Variants in ZYG11B observed in about 807,000 individuals in gnomAD.
ZYG11B encodes the protein zyg-11 family member B, cell cycle regulator.
In ZYG11B, 36 loss-of-function variants were observed where a neutral mutation model predicts 82.4. The ratio of observed to expected loss-of-function variants is 0.44; its 90% CI spans 0.33 to 0.58. The LOEUF (loss-of-function observed/expected upper bound fraction) is 0.58. Ranked by LOEUF, ZYG11B falls within the 20% of genes least tolerant of loss-of-function variation. The probability of loss-of-function intolerance (pLI) is 0.02; values close to 1 mark genes in which losing one functional copy is unlikely to be tolerated. For synonymous variants in ZYG11B, 303 were observed against 312.8 expected, an observed-to-expected ratio of 0.97 and a Z score of 0.33; for missense variants, 552 against 895.6, an observed-to-expected ratio of 0.62 and a Z score of 4.90.
intron 3 of ZYG11B, among the ~76,000 whole-genome samples, chr1:52,779,393 CT>C (rs1644836198): frequency 1.3e-5 from 2 of 152,092 alleles, no homozygotes. Context: ...ACAGATATAG[CT>C]GTTTAAGATG....
At chr1:52,798,789 A>C (rs1221813890) in intron 8 of ZYG11B, among the ~76,000 whole-genome samples, 1 of 152,200 alleles carries the variant, frequency 6.6e-6, no homozygotes, top group East Asian at 1.9e-4. Flanking sequence ...CGAAAACTTT[A>C]AACAGCTTTA....
chr1:52,726,868 T>C (rs1006445043), intron 1 of ZYG11B, among the ~76,000 whole-genome samples, 185 bp downstream of exon 1: 3 of 151,968 alleles, frequency 2.0e-5, no homozygotes, highest in Non-Finnish European at 2.9e-5. Flanking sequence ...CCTGCTTCGG[T>C]GAACCCCTTT....
intron 10 of ZYG11B, among the ~76,000 whole-genome samples, chr1:52,809,120 C>T (rs567218011): frequency 6.6e-6 from 1 of 152,130 alleles, no homozygotes; most frequent in South Asian, 2.1e-4. Flanking sequence ...ACTTGGCATG[C>T]TTAGGTTTTA....
In ZYG11B at chr1:52,819,794, ATAAT is replaced by A. The variant is rs763388189; in HGVS notation, c.2045-1644_2045-1641del. Among the ~76,000 whole-genome samples, 31 of 141,132 alleles carry A rather than the reference ATAAT, an allele frequency of 2.2e-4. No individual in the cohort carries two copies. In the East Asian group the frequency reaches 2.6e-3, roughly 12 times the overall value. The allele number at this position is 141,132 out of a possible 152,430, so 92.6% of individuals were successfully genotyped here. A position where few individuals can be genotyped will look rare whatever the true frequency, so the allele number is the denominator to read the frequency against. On this transcript the variant is annotated intron_variant, in intron 13 of 13. Transcript: ENST00000294353. The stretch of plus-strand genomic sequence containing the variant: ...GAGTGAGACTCTGTCTGAAAAAAAA[ATAAT>A]AATAATAATAATAATAGTGCATTTT...
intron 2 of ZYG11B, among the ~76,000 whole-genome samples, chr1:52,769,827 T>G (rs1005170265): frequency 6.6e-6 from 1 of 152,170 alleles, no homozygotes; most frequent in Non-Finnish European, 1.5e-5. Flanking sequence ...TATTTACCTG[T>G]CCTCAACTGC....
chr1:52,779,888 A>C lies in ZYG11B; in HGVS notation c.987A>C (p.Glu329Asp). ...SGEANETQIA[E>D]ALKRYSERAF... ...AAGCCAATGAAACTCAGATTGCAGA[A>C]GCACTGAAGCGTTACAGTGAACGGG... The change falls in exon 4 of 14, where the codon GAA becomes GAC. Residue 329 changes from glutamate to aspartate, a missense_variant. Physicochemically the swap from Glu to Asp is conservative, Grantham distance 45. Around this residue, in one of 3 missense-constraint regions of ZYG11B, gnomAD observed 359 missense variants for 555.8 expected, o/e 0.65. Coordinates refer to ENST00000294353, the MANE Select transcript of ZYG11B (RefSeq NM_024646.3). 1.2e-6 allele frequency: 2 copies of C among 1,614,198 alleles called. No homozygotes were observed. The highest frequency in any genetic ancestry group is 1.7e-6 in the Non-Finnish European group (2 of 1,180,028).
At chr1:52,796,179 AT>A (rs1285732306) in intron 6 of ZYG11B, 112 bp from the exon 7 acceptor site, 51 of 687,822 alleles carry the variant, frequency 7.4e-5, no homozygotes, top group Admixed American at 3.3e-4. Flanking sequence ...GTTAAGAGGA[AT>A]TTTCCCTTGC....
rs375749282 is a variant in ZYG11B, at chr1:52,816,579, G to C, written c.1994G>C (p.Gly665Ala). The change falls in exon 13 of 14, where the codon GGA becomes GCA. Residue 665 changes from glycine (G) to alanine (A), a missense_variant. By Grantham distance (60) the Gly-to-Ala change is moderately conservative. Coordinates refer to ENST00000294353, the MANE Select transcript of ZYG11B (RefSeq NM_024646.3). The part of the protein sequence containing the change: ...FPLLGCFTTP[G>A]VQLWAVWAMQ... The stretch of plus-strand genomic sequence containing the variant: ...TTACTTGGCTGTTTCACAACACCAG[G>C]AGTTCAGCTATGGGCAGTTTGGGCC... 11 of 1,613,152 alleles carry C rather than the reference G, an allele frequency of 6.8e-6. No homozygotes were observed. Among genetic ancestry groups the C allele is most frequent in the Non-Finnish European group, 7.6e-6 (9 of 1,179,834 alleles).
intron 10 of ZYG11B, among the ~76,000 whole-genome samples, chr1:52,808,661 C>G (rs937029246): frequency 6.6e-6 from 1 of 152,130 alleles, no homozygotes; most frequent in Non-Finnish European, 1.5e-5. Flanking sequence ...CCACTGTGAC[C>G]TGCCCATTTC....
intron 1 of ZYG11B, among the ~76,000 whole-genome samples, chr1:52,727,162 C>G (rs944905642): frequency 2.0e-5 from 3 of 152,146 alleles, no homozygotes; most frequent in African/African-American, 7.2e-5. Flanking sequence ...TCGTCCTCTT[C>G]CATCCACGTT....
chr1:52,784,782 C>T (rs1201855045), intron 4 of ZYG11B, 95 bp from the exon 5 acceptor site: 1 of 1,362,624 alleles, frequency 7.3e-7, no homozygotes, highest in Non-Finnish European at 1.0e-6. Flanking sequence ...ATTATGACAT[C>T]TTTGAAATTA....
chr1:52,803,211 CATATATATATAT>C (rs1165360758), intron 10 of ZYG11B, among the ~76,000 whole-genome samples: 1 of 73,252 alleles, frequency 1.4e-5, no homozygotes, highest in African/African-American at 1.0e-4. Context: ...TATACACACA[CATATATATATAT>C]ACACACATAT....
Position 52,726,471 on chromosome 1 carries a change from C to CGGGCTG in ZYG11B, c.-182_-177dup. The CGGGCTG allele has an allele frequency of 1.9e-6, 1 of 523,870 alleles. No homozygotes were observed. The highest frequency in any genetic ancestry group is 2.9e-6 in the Non-Finnish European group (1 of 341,976). 32.5% of individuals were successfully genotyped at this position (523,870 alleles called of 1,614,324 possible). On this transcript the variant is annotated 5_prime_UTR_variant, in exon 1 of 14. Coordinates refer to ENST00000294353, the MANE Select transcript of ZYG11B (RefSeq NM_024646.3). ...CGGGGGCGGAGTCTGCGCTCTGGTT[C>CGGGCTG]GGGCTGCGGCTGCGGCTGCGGCTGC... is the stretch of plus-strand genomic sequence containing the variant.
chr1:52,797,592 T>TCCG (rs1303153657), intron 8 of ZYG11B, among the ~76,000 whole-genome samples: 1 of 146,900 alleles, frequency 6.8e-6, no homozygotes, highest in East Asian at 2.1e-4. Flanking sequence ...CACTGAAAGC[T>TCCG]CCGCTTCCCA....
intron 6 of ZYG11B, among the ~76,000 whole-genome samples, chr1:52,796,087 C>T (rs1645004206): frequency 6.6e-6 from 1 of 152,094 alleles, no homozygotes; most frequent in Admixed American, 6.6e-5. Context: ...TTTCCAAACC[C>T]TTCTTTCTTT....
chr1:52,817,527 A>G, intron 13 of ZYG11B, among the ~76,000 whole-genome samples: 1 of 151,074 alleles, frequency 6.6e-6, no homozygotes, highest in East Asian at 2.0e-4. Flanking sequence ...CTAGGACTAC[A>G]AGTGCACGTC....
At chr1:52,798,480 A>G (rs916304119) in intron 8 of ZYG11B, among the ~76,000 whole-genome samples, 1 of 152,130 alleles carries the variant, frequency 6.6e-6, no homozygotes, top group Non-Finnish European at 1.5e-5. Flanking sequence ...CCATGGTAGC[A>G]CATGTCTGTG....
intron 1 of ZYG11B, among the ~76,000 whole-genome samples, chr1:52,730,952 G>A (rs1644326757): frequency 6.6e-6 from 1 of 151,972 alleles, no homozygotes; most frequent in African/African-American, 2.4e-5. Flanking sequence ...AGAACTGAGG[G>A]ATTAAATTGT....
chr1:52,772,552 C>G (rs879652465), intron 3 of ZYG11B: 1 of 1,609,352 alleles, frequency 6.2e-7, no homozygotes, highest in African/African-American at 1.3e-5. Flanking sequence ...TGCTCCTTCA[C>G]GTCGTCAGAT....
Sources: allele counts gnomAD v4.1 joint callset (sites outside exome capture counted in the v4.1 genomes callset), GRCh38; gene constraint gnomAD v4.1.1; regional missense constraint gnomAD v4.1.1; transcripts MANE v1.5; gene names NCBI Gene and HGNC (gene_info 2026-07-23, HGNC 2026-07-21).